Variants in GBE1 observed in about 807,000 individuals in gnomAD.
The protein encoded by GBE1 is 1,4-alpha-glucan branching enzyme 1.
GBE1 carries 70 observed loss-of-function variants against 88.8 expected under a neutral mutation model. The observed-to-expected ratio is 0.79, with a 90% CI of 0.65 to 0.96. The LOEUF is 0.96. Among genes scored for constraint, GBE1 ranks in the 40% least tolerant of loss-of-function variants. The probability of loss-of-function intolerance (pLI) is 0.00; values close to 1 mark genes in which losing one functional copy is unlikely to be tolerated. For synonymous variants in GBE1, 284 were observed against 300.1 expected (o/e 0.95, Z 0.56); for missense variants, 872 against 871.0 (o/e 1.00, Z -0.01).
intron 14 of GBE1, among the ~76,000 whole-genome samples, chr3:81,502,340 C>T (rs190928350): frequency 2.5e-3 from 386 of 152,140 alleles, no homozygotes; most frequent in Non-Finnish European, 4.7e-3. Flanking sequence ...AATTGGTAGC[C>T]ATAAAGGAAA....
Position 81,535,210 on chromosome 3 carries a change from G to T in GBE1, c.1919C>A (p.Thr640Lys), listed in dbSNP as rs1374029130. ...SKSYTDYRVG[T>K]ALPGKFKIVL... ...AAAAGGATATTTCCCTGGCAATGCT[G>T]TTCCAACTCGGTAGTCAGTGTAGCT... The change falls in exon 14 of 16, where the codon ACA becomes AAA. Residue 640 changes from threonine to lysine, a missense_variant. Thr to Lys is a moderately conservative substitution (Grantham distance 78). Transcript: ENST00000429644. The T allele has an allele frequency of 1.2e-6, 2 of 1,609,652 alleles. No homozygotes were observed. Among genetic ancestry groups the T allele is most frequent in the East Asian group, 2.2e-5 (1 of 44,700 alleles).
intron 1 of GBE1, among the ~76,000 whole-genome samples, chr3:81,748,362 A>T (rs879622106): frequency 6.6e-6 from 1 of 152,230 alleles, no homozygotes; most frequent in Non-Finnish European, 1.5e-5. Context: ...CTATAATTAC[A>T]GCACTTTGGA....
rs1280227376 is a variant in GBE1 at position 81,649,858 on chromosome 3, C to G, written c.493G>C (p.Val165Leu). Residue 165 changes from valine (V) to leucine (L), a missense_variant, in exon 4 of 16, where the codon GTT becomes CTT. Physicochemically the swap from Val to Leu is conservative, Grantham distance 32. Transcript: ENST00000429644. ...TAATTCACATTATCACCTTCACGAA[C>G]CACATACTTTGCCCACGGTGAAATA... ...YRISPWAKYV[V>L]REGDNVNYDW... The G allele has an allele frequency of 1.2e-6, 2 of 1,611,672 alleles. No homozygotes were observed. Among genetic ancestry groups the G allele is most frequent in the Admixed American group, 1.7e-5 (1 of 59,942 alleles).
chr3:81,508,336 T>G (rs1363227029), intron 14 of GBE1, among the ~76,000 whole-genome samples: 1 of 152,148 alleles, frequency 6.6e-6, no homozygotes, highest in Non-Finnish European at 1.5e-5. Context: ...AAAAATGTGC[T>G]CACACTTCTG....
chr3:81,739,290 TGCAGGATACACTGTCA>T (rs1706315637), intron 1 of GBE1, among the ~76,000 whole-genome samples: 1 of 152,164 alleles, frequency 6.6e-6, no homozygotes, highest in African/African-American at 2.4e-5. Context: ...TTTTAACCAC[TGCAGGATACACTGTCA>T]GCCTACCCAG....
chr3:81,564,163 C>G (rs1377216077), intron 12 of GBE1, among the ~76,000 whole-genome samples: 1 of 152,116 alleles, frequency 6.6e-6, no homozygotes, highest in African/African-American at 2.4e-5. Context: ...CTTTCCTGCA[C>G]CTCTGTCCAT....
At chr3:81,588,321 A>T (rs1703827436) in intron 9 of GBE1, among the ~76,000 whole-genome samples, 1 of 152,144 alleles carries the variant, frequency 6.6e-6, no homozygotes, top group East Asian at 1.9e-4. Flanking sequence ...ATAAATATGC[A>T]TTAAATATCA....
In GBE1 at chr3:81,649,016, G is replaced by A; in HGVS notation, c.556-25C>T. On this transcript the variant is annotated intron_variant, in intron 4 of 15. Transcript: ENST00000429644. The stretch of plus-strand genomic sequence containing the variant: ...ACTACAGAATATAAAATTATGTATA[G>A]AGTTAAGCCAGGAATTCTGGTATGA... 2.0e-6 allele frequency: 3 copies of A among 1,500,490 alleles called. No homozygotes were observed. In the South Asian group the frequency reaches 3.9e-5, roughly 20 times the overall value. The allele number at this position is 1,500,490 out of a possible 1,614,324, so 92.9% of individuals were successfully genotyped here. A position where few individuals can be genotyped will look rare whatever the true frequency, so the allele number is the denominator to read the frequency against.
At chr3:81,609,779 G>T (rs1481847573) in intron 7 of GBE1, among the ~76,000 whole-genome samples, 1 of 152,012 alleles carries the variant, frequency 6.6e-6, no homozygotes, top group Non-Finnish European at 1.5e-5. Context: ...GTTGCTAATG[G>T]TCAAACCTAC....
chr3:81,699,456 C>T (rs1221141537), intron 2 of GBE1, among the ~76,000 whole-genome samples: 1 of 152,036 alleles, frequency 6.6e-6, no homozygotes, highest in African/African-American at 2.4e-5. Flanking sequence ...TCAGGGTTCT[C>T]TTAGAGGGAC....
At chr3:81,731,979 C>A (rs554078234) in intron 1 of GBE1, among the ~76,000 whole-genome samples, 1 of 152,122 alleles carries the variant, frequency 6.6e-6, no homozygotes, top group East Asian at 1.9e-4. Context: ...ATTTTTGTTT[C>A]TAATTATTAT....
chr3:81,647,716 G>A (rs1294586161), intron 5 of GBE1, among the ~76,000 whole-genome samples: 1 of 152,016 alleles, frequency 6.6e-6, no homozygotes, highest in Non-Finnish European at 1.5e-5. Flanking sequence ...ATTGTTAATG[G>A]CAGTTCATGT....
At chr3:81,750,037 A>G (rs994213839) in intron 1 of GBE1, among the ~76,000 whole-genome samples, 3 of 152,208 alleles carry the variant, frequency 2.0e-5, no homozygotes, top group Non-Finnish European at 4.4e-5. Context: ...AAGCAAAAAG[A>G]AGCCTGTTAG....
At chr3:81,634,603 TGAGA>T (rs1402364492) in intron 7 of GBE1, among the ~76,000 whole-genome samples, 1 of 151,520 alleles carries the variant, frequency 6.6e-6, no homozygotes, top group Non-Finnish European at 1.5e-5. Context: ...GACAGAGACT[TGAGA>T]GAGAGAGAAA....
intron 7 of GBE1, among the ~76,000 whole-genome samples, chr3:81,621,951 C>A (rs1044615943): frequency 2.6e-5 from 4 of 152,150 alleles, no homozygotes; most frequent in African/African-American, 9.7e-5. Flanking sequence ...TATACTTCAC[C>A]TACTTTTTTA....
intron 12 of GBE1, among the ~76,000 whole-genome samples, chr3:81,549,713 T>G (rs115889782): frequency 6.6e-6 from 1 of 151,590 alleles, no homozygotes; most frequent in Non-Finnish European, 1.5e-5. Context: ...AGATTCCTTA[T>G]GCAACAGAAT....
At chr3:81,752,713 C>G (rs1468888132) in intron 1 of GBE1, among the ~76,000 whole-genome samples, 1 of 152,044 alleles carries the variant, frequency 6.6e-6, no homozygotes, top group Non-Finnish European at 1.5e-5. Context: ...AAAATTACCA[C>G]CTGCCTCACC....
chr3:81,609,873 T>C (rs534924610), intron 7 of GBE1, among the ~76,000 whole-genome samples: 2 of 152,280 alleles, frequency 1.3e-5, no homozygotes, highest in South Asian at 2.1e-4. Flanking sequence ...TAGAGTCTCG[T>C]AGAGCTCAAA....
At chr3:81,670,807 G>T in intron 3 of GBE1, 31 bp downstream of exon 3, 1 of 1,210,820 alleles carries the variant, frequency 8.3e-7, no homozygotes, top group Non-Finnish European at 1.1e-6. Context: ...AAAATGATAA[G>T]TTCAAGAAAA....
Sources: allele counts gnomAD v4.1 joint callset (sites outside exome capture counted in the v4.1 genomes callset), GRCh38; gene constraint gnomAD v4.1.1; transcripts MANE v1.5; gene names NCBI Gene and HGNC (gene_info 2026-07-23, HGNC 2026-07-21).